Variants in CCSER1 observed in about 807,000 individuals in gnomAD.
CCSER1 encodes serine-rich coiled-coil domain-containing protein 1.
CCSER1 carries 41 observed loss-of-function variants against 82.0 expected under a neutral mutation model. The observed-to-expected ratio is 0.50, with a 90% CI of 0.39 to 0.65. CCSER1 has a LOEUF of 0.65. Among genes scored for constraint, CCSER1 ranks in the 30% least tolerant of loss-of-function variants. CCSER1 has a pLI of 0.00. For synonymous variants in CCSER1, 414 were observed against 383.9 expected (o/e 1.08, Z -0.92); for missense variants, 1,119 against 1,064.2 (o/e 1.05, Z -0.72).
chr4:90,700,324 T>A (rs1181668890), intron 6 of CCSER1, among the ~76,000 whole-genome samples: 7 of 151,914 alleles, frequency 4.6e-5, no homozygotes, highest in African/African-American at 1.7e-4. Flanking sequence ...GAACTCATCC[T>A]TTTTTATGGC....
At chr4:90,976,279 C>CA (rs1459052437) in intron 9 of CCSER1, among the ~76,000 whole-genome samples, 2 of 150,602 alleles carry the variant, frequency 1.3e-5, no homozygotes, top group African/African-American at 2.4e-5. Flanking sequence ...GTATAATTTA[C>CA]AAAAAACAAA....
chr4:90,931,869 T>C (rs1729868242), intron 9 of CCSER1, among the ~76,000 whole-genome samples: 1 of 152,186 alleles, frequency 6.6e-6, no homozygotes, highest in African/African-American at 2.4e-5. Context: ...GCCAGTGAAA[T>C]AACTGATATT....
At chr4:91,325,410 G>A in intron 10 of CCSER1, 1 of 269,454 alleles carries the variant, frequency 3.7e-6, no homozygotes, top group Non-Finnish European at 7.3e-6. Context: ...CAAGGGGTAG[G>A]CAGAAGTATT....
chr4:90,936,745 T>A (rs1730983442), intron 9 of CCSER1, among the ~76,000 whole-genome samples: 2 of 152,186 alleles, frequency 1.3e-5, no homozygotes, highest in South Asian at 2.1e-4. Flanking sequence ...AAATATATTC[T>A]CTCTGTCTTT....
At chr4:90,281,396 A>G (rs1231425500) in intron 1 of CCSER1, among the ~76,000 whole-genome samples, 1 of 152,006 alleles carries the variant, frequency 6.6e-6, no homozygotes, top group Non-Finnish European at 1.5e-5. Flanking sequence ...TATGCTTATT[A>G]CCTGGGTGAT....
At chr4:91,569,632 T>C (rs1024084866) in intron 10 of CCSER1, among the ~76,000 whole-genome samples, 1 of 151,900 alleles carries the variant, frequency 6.6e-6, no homozygotes, top group Non-Finnish European at 1.5e-5. Context: ...AATCATCAGA[T>C]CTCATGAGAA....
At chr4:90,397,051 A>G (rs1275117659) in intron 3 of CCSER1, among the ~76,000 whole-genome samples, 1 of 152,172 alleles carries the variant, frequency 6.6e-6, no homozygotes, top group Non-Finnish European at 1.5e-5. Flanking sequence ...ATTTTCTGTA[A>G]CATATCATGT....
intron 7 of CCSER1, among the ~76,000 whole-genome samples, chr4:90,764,973 A>G (rs1366751209): frequency 6.6e-6 from 1 of 152,116 alleles, no homozygotes; most frequent in Non-Finnish European, 1.5e-5. Context: ...GAGGTCTCTC[A>G]CTATTGTCAT....
chr4:90,564,814 T>G (rs1489770301), intron 5 of CCSER1, among the ~76,000 whole-genome samples: 2 of 152,304 alleles, frequency 1.3e-5, no homozygotes, highest in East Asian at 3.9e-4. Flanking sequence ...GCTCCTTTGT[T>G]GAAAATCAGT....
chr4:90,228,425 A>AG (rs1255991587), intron 1 of CCSER1, among the ~76,000 whole-genome samples: 2 of 152,192 alleles, frequency 1.3e-5, no homozygotes, highest in Admixed American at 1.3e-4. Context: ...GTCAGATAGA[A>AG]GGAAAACTAA....
chr4:91,025,203 A>G (rs992528842), intron 9 of CCSER1, among the ~76,000 whole-genome samples: 1 of 152,070 alleles, frequency 6.6e-6, no homozygotes, highest in Non-Finnish European at 1.5e-5. Flanking sequence ...CTATTTTTTT[A>G]TGGTGTCCAG....
At position 90,797,501 on chromosome 4, in the gene CCSER1, A is replaced by G. The variant is rs149492353; in HGVS notation, c.2011-18261A>G. ...ACATTCAAGGTTAATATGGATATTT[A>G]TGGATTTGATTCTGTTATGATGTTA... On this transcript the variant is annotated intron_variant, in intron 7 of 10. Transcript: ENST00000509176. Among the ~76,000 whole-genome samples, 1,250 of 152,236 alleles carry G rather than the reference A, an allele frequency of 8.2e-3. 7 individuals carry two copies. Among genetic ancestry groups the G allele is most frequent in the Non-Finnish European group, 0.013 (894 of 68,000 alleles).
At chr4:90,393,957 A>T (rs1372856029) in intron 3 of CCSER1, among the ~76,000 whole-genome samples, 2 of 151,260 alleles carry the variant, frequency 1.3e-5, no homozygotes, top group African/African-American at 4.9e-5. Context: ...AAAAAAAAAA[A>T]TTGCAGAGAG....
intron 6 of CCSER1, among the ~76,000 whole-genome samples, chr4:90,645,995 A>G (rs546025262): frequency 4.4e-4 from 67 of 152,298 alleles, no homozygotes; most frequent in Non-Finnish European, 7.1e-4. Context: ...TTACTGACAA[A>G]TTGTTTAATA....
intron 9 of CCSER1, among the ~76,000 whole-genome samples, chr4:90,976,986 C>G (rs1561438623): frequency 6.6e-6 from 1 of 151,498 alleles, no homozygotes; most frequent in Non-Finnish European, 1.5e-5. Context: ...TGACATGAGA[C>G]ACAGCTGTGC....
intron 1 of CCSER1, among the ~76,000 whole-genome samples, chr4:90,209,182 C>G (rs939789565): frequency 1.3e-5 from 2 of 152,110 alleles, no homozygotes; most frequent in East Asian, 1.9e-4. Context: ...TATAAAGAAG[C>G]TGTAAAGGGT....
intron 3 of CCSER1, among the ~76,000 whole-genome samples, chr4:90,396,193 C>T (rs1274493496): frequency 6.6e-6 from 1 of 152,138 alleles, no homozygotes; most frequent in African/African-American, 2.4e-5. Flanking sequence ...ACTATTTTTT[C>T]TTAGTTATCA....
intron 10 of CCSER1, among the ~76,000 whole-genome samples, chr4:91,577,328 A>G (rs1320132809): frequency 6.6e-6 from 1 of 151,944 alleles, no homozygotes; most frequent in African/African-American, 2.4e-5. Flanking sequence ...TCAGAAGAAG[A>G]AGGGGAGAGA....
intron 6 of CCSER1, among the ~76,000 whole-genome samples, chr4:90,696,009 T>A (rs1374917552): frequency 6.6e-6 from 1 of 152,100 alleles, no homozygotes; most frequent in Non-Finnish European, 1.5e-5. Context: ...AGTATGCATG[T>A]TCTTGAAATA....
Sources: allele counts gnomAD v4.1 joint callset (sites outside exome capture counted in the v4.1 genomes callset), GRCh38; gene constraint gnomAD v4.1.1; transcripts MANE v1.5; gene names NCBI Gene and HGNC (gene_info 2026-07-23, HGNC 2026-07-21).